The following RXFP2 variants were observed in gnomAD, a reference collection of about 807,000 sequenced individuals.
RXFP2 encodes the protein relaxin family peptide receptor 2, also known as relaxin receptor 2.
A neutral mutation model predicts 88.6 loss-of-function variants in RXFP2; 68 were observed. The ratio of observed to expected loss-of-function variants is 0.77; its 90% CI spans 0.63 to 0.94. The LOEUF is 0.94. Among genes scored for constraint, RXFP2 ranks in the 40% least tolerant of loss-of-function variants. The pLI, the probability that RXFP2 is intolerant of heterozygous loss-of-function variation, is 0.00. For synonymous variants in RXFP2, 329 were observed against 306.8 expected, an observed-to-expected ratio of 1.07 and a Z score of -0.76; for missense variants, 791 against 893.9, an observed-to-expected ratio of 0.88 and a Z score of 1.47.
rs1011052597 is a variant in RXFP2, at chr13:31,803,185, G to C, written c.*780G>C. The C allele has an allele frequency of 6.6e-6, 1 of 152,182 alleles. No homozygotes were observed. The highest frequency in any genetic ancestry group is 1.5e-5 in the Non-Finnish European group (1 of 68,038). The allele number at this position is 152,182 out of a possible 1,614,324, so 9.4% of individuals were successfully genotyped here. A position where few individuals can be genotyped will look rare whatever the true frequency, so the allele number is the denominator to read the frequency against. On this transcript the variant is annotated 3_prime_UTR_variant, in exon 18 of 18. Transcript: ENST00000298386. ...AGTATCCCTATTGCTGGCAAGTTCT[G>C]CTTTCATAAAATATGCAGATAAGAA...
At chr13:31,773,830 A>G (rs1406709431) in intron 5 of RXFP2, among the ~76,000 whole-genome samples, 1 of 152,204 alleles carries the variant, frequency 6.6e-6, no homozygotes, top group African/African-American at 2.4e-5. Context: ...AGCAATTCAA[A>G]CCAAAATAAG....
intron 12 of RXFP2, 36 bp downstream of exon 12, chr13:31,786,490 G>A (rs2138448179): frequency 6.4e-7 from 1 of 1,553,716 alleles, no homozygotes; most frequent in Non-Finnish European, 8.9e-7. Flanking sequence ...AGATTTAAAG[G>A]GCAATATTTT....
chr13:31,789,644 GT>G (rs1196229572), intron 14 of RXFP2, among the ~76,000 whole-genome samples: 2 of 152,218 alleles, frequency 1.3e-5, no homozygotes, highest in African/African-American at 4.8e-5. Context: ...CTTTATAGTA[GT>G]TTTTGATAAG....
intron 16 of RXFP2, among the ~76,000 whole-genome samples, chr13:31,794,233 G>T (rs989838659): frequency 6.6e-6 from 1 of 151,938 alleles, no homozygotes; most frequent in African/African-American, 2.4e-5. Context: ...ACCCTATTTG[G>T]TAGTTATTTG....
intron 9 of RXFP2, among the ~76,000 whole-genome samples, chr13:31,779,266 C>T (rs1873150890): frequency 6.6e-6 from 1 of 151,970 alleles, no homozygotes; most frequent in African/African-American, 2.4e-5. Flanking sequence ...TCTGGGATTA[C>T]AGGCATGCAC....
chr13:31,748,192 T>C (rs976265015), intron 1 of RXFP2, among the ~76,000 whole-genome samples: 1 of 152,236 alleles, frequency 6.6e-6, no homozygotes, highest in African/African-American at 2.4e-5. Context: ...GCTGTGAACA[T>C]TCTTGTATGA....
chr13:31,802,856 A>T lies in RXFP2; in HGVS notation c.*451A>T, dbSNP rs1203693193. On this transcript the variant is annotated 3_prime_UTR_variant, in exon 18 of 18. Coordinates refer to ENST00000298386, the MANE Select transcript of RXFP2 (RefSeq NM_130806.5). ...TTCAATATCAAATAAAACCATCAGC[A>T]TCCTGCTGGATTGATAGCAAAGGAT... 1 of 169,180 alleles carries T rather than the reference A, an allele frequency of 5.9e-6. No individual in the cohort carries two copies. Among genetic ancestry groups the T allele is most frequent in the Non-Finnish European group, 1.3e-5 (1 of 77,514 alleles). 10.5% of individuals were successfully genotyped at this position (169,180 alleles called of 1,614,324 possible). A position where few individuals can be genotyped will look rare whatever the true frequency, so the allele number is the denominator to read the frequency against.
chr13:31,782,715 G>T lies in RXFP2; in HGVS notation c.897G>T (p.Lys299Asn). Residue 299 changes from lysine to asparagine, a missense_variant, in exon 11 of 18, where the codon AAG becomes AAT. By Grantham distance (94) the Lys-to-Asn change is moderately conservative. Transcript: ENST00000298386. Reference protein sequence around the residue: ...PRNQIGFVPEKTFSSLKNLGE... With the variant: ...PRNQIGFVPENTFSSLKNLGE... ...ATCAAATTGGTTTTGTTCCAGAGAA[G>T]ACATTTTCTTCATTAAAAAATTTAG... 1 of 1,611,094 alleles carries T rather than the reference G, an allele frequency of 6.2e-7. No individual in the cohort carries two copies. The highest frequency in any genetic ancestry group is 8.5e-7 in the Non-Finnish European group (1 of 1,177,314).
chr13:31,757,268 C>T (rs1386145918), intron 1 of RXFP2, among the ~76,000 whole-genome samples: 1 of 152,112 alleles, frequency 6.6e-6, no homozygotes, highest in Non-Finnish European at 1.5e-5. Flanking sequence ...AAGGGTGGGC[C>T]TATGGGGTCA....
chr13:31,774,217 A>G (rs1419922055), intron 5 of RXFP2, among the ~76,000 whole-genome samples: 1 of 152,220 alleles, frequency 6.6e-6, no homozygotes, highest in African/African-American at 2.4e-5. Context: ...TAGAATAAGG[A>G]TAAATGAGGA....
chr13:31,797,592 A>G (rs1235160916), intron 17 of RXFP2, among the ~76,000 whole-genome samples, 173 bp downstream of exon 17: 1 of 152,176 alleles, frequency 6.6e-6, no homozygotes, highest in Non-Finnish European at 1.5e-5. Flanking sequence ...TAGTGGTGCA[A>G]TCCAACCAGG....
intron 8 of RXFP2, 65 bp downstream of exon 8, chr13:31,777,512 A>G (rs1873046900): frequency 2.5e-5 from 30 of 1,196,362 alleles, no homozygotes; most frequent in Non-Finnish European, 3.6e-5. Context: ...GCACTAGCTT[A>G]CAAAAAGAAC....
chr13:31,796,207 G>A (rs1046366732), intron 16 of RXFP2, among the ~76,000 whole-genome samples: 21 of 149,386 alleles, frequency 1.4e-4, no homozygotes, highest in Admixed American at 2.0e-4. Flanking sequence ...CCGCCACCGC[G>A]CCCGGCTAAT....
intron 13 of RXFP2, among the ~76,000 whole-genome samples, chr13:31,787,084 C>T (rs1406367058): frequency 6.6e-6 from 1 of 152,178 alleles, no homozygotes. Context: ...CAAATATGCA[C>T]ATTCAGAAAA....
chr13:31,745,106 G>A (rs1871356620), intron 1 of RXFP2, among the ~76,000 whole-genome samples: 1 of 151,942 alleles, frequency 6.6e-6, no homozygotes, highest in Non-Finnish European at 1.5e-5. Flanking sequence ...GGAGGTGGAA[G>A]TTGCAGTGAG....
chr13:31,790,574 C>G (rs74044225), intron 14 of RXFP2, among the ~76,000 whole-genome samples: 2,531 of 152,274 alleles, frequency 0.017, 66 homozygotes, highest in African/African-American at 0.058. Context: ...CCAGGCACTG[C>G]GTTAGACACC....
At chr13:31,799,526 C>T (rs1006654030) in intron 17 of RXFP2, among the ~76,000 whole-genome samples, 2 of 152,094 alleles carry the variant, frequency 1.3e-5, no homozygotes, top group Admixed American at 6.5e-5. Flanking sequence ...CGTCTCCACA[C>T]CTTTTGATGT....
intron 11 of RXFP2, among the ~76,000 whole-genome samples, chr13:31,783,961 T>C (rs7336026): frequency 0.6 from 89,699 of 149,088 alleles, 27,181 homozygotes; most frequent in East Asian, 0.77. Flanking sequence ...GGATTCCAGG[T>C]ACCTGCCACC....
At chr13:31,740,806 A>G (rs1441246924) in intron 1 of RXFP2, among the ~76,000 whole-genome samples, 1 of 152,092 alleles carries the variant, frequency 6.6e-6, no homozygotes, top group Non-Finnish European at 1.5e-5. Context: ...TGAAAAGCTA[A>G]GGATTAACTA....
Sources: allele counts gnomAD v4.1 joint callset (sites outside exome capture counted in the v4.1 genomes callset), GRCh38; gene constraint gnomAD v4.1.1; transcripts MANE v1.5; gene names NCBI Gene and HGNC (gene_info 2026-07-23, HGNC 2026-07-21).